The following MORC1 variants were observed in gnomAD, a reference collection of about 807,000 sequenced individuals.
MORC1 encodes MORC family CW-type zinc finger protein 1.
Under a neutral mutation model 134.9 loss-of-function variants are expected in MORC1, and 59 were observed. The ratio of observed to expected loss-of-function variants is 0.44; its 90% CI spans 0.35 to 0.54. MORC1 has a LOEUF of 0.54. MORC1 is among the 20% of genes least tolerant of loss of function. The pLI is 0.00. For missense variants in MORC1, 947 were observed against 1,134.5 expected, an observed-to-expected ratio of 0.83 and a Z score of 2.37; for synonymous variants, 395 against 391.7, an observed-to-expected ratio of 1.01 and a Z score of -0.10.
intron 15 of MORC1, among the ~76,000 whole-genome samples, chr3:109,033,757 C>A (rs1949302805): frequency 6.6e-6 from 1 of 152,118 alleles, no homozygotes; most frequent in South Asian, 2.1e-4. Context: ...TCCTCCTCCT[C>A]ATCATCATCA....
In MORC1 at chr3:109,048,306, G is replaced by A. The variant is rs149259620; in HGVS notation, c.1330+6422C>T. Among the ~76,000 whole-genome samples the A allele has an allele frequency of 3.1e-3, 467 of 152,220 alleles. 1 individual carries two copies. Among genetic ancestry groups the A allele is most frequent in the South Asian group, 4.8e-3 (23 of 4,812 alleles). Reference sequence around the variant, plus strand: ...ATATTAAGAAGGTAATAACTTTTAGGTAATGATATTTGTAATGTGGTTTTT... The same window carrying A: ...ATATTAAGAAGGTAATAACTTTTAGATAATGATATTTGTAATGTGGTTTTT... On this transcript the variant is annotated intron_variant, in intron 14 of 27. Transcript: ENST00000232603.
intron 21 of MORC1, among the ~76,000 whole-genome samples, chr3:108,989,108 T>C (rs546415621): frequency 2.0e-5 from 3 of 152,348 alleles, no homozygotes; most frequent in Non-Finnish European, 4.4e-5. Context: ...TATTACAATA[T>C]AGTTGAGGGT....
intron 26 of MORC1, among the ~76,000 whole-genome samples, chr3:108,965,062 G>C (rs1348959306): frequency 2.6e-5 from 4 of 152,184 alleles, no homozygotes; most frequent in Non-Finnish European, 4.4e-5. Context: ...ACTGCCTGAA[G>C]GTGGAGTAGA....
intron 27 of MORC1, among the ~76,000 whole-genome samples, chr3:108,960,560 G>A (rs112736267): frequency 5.3e-5 from 8 of 152,264 alleles, no homozygotes; most frequent in African/African-American, 1.9e-4. Context: ...AGGGCATTTT[G>A]CTTGTTGACT....
At chr3:108,969,857 CT>C in intron 25 of MORC1, 135 bp from the exon 26 acceptor site, 1 of 691,980 alleles carries the variant, frequency 1.4e-6, no homozygotes, top group Non-Finnish European at 2.4e-6. Context: ...TACTATGGGC[CT>C]TTTAAGTCTG....
rs769858430 is a variant in MORC1, at chr3:109,029,488, ATTT to A, written c.1566-1602_1566-1600del. 2.0e-5 allele frequency among the ~76,000 whole-genome samples: 3 copies of A among 152,310 alleles called. No homozygotes were observed. The South Asian group carries it at 6.2e-4, about 32-fold the overall frequency. ...TTAATATGCAATACAATCCATAAATATTTTTTAACATCCTTTTCAAAATTCAGA... is the reference window on the plus strand; with the variant it reads ...TTAATATGCAATACAATCCATAAATATTTAACATCCTTTTCAAAATTCAGA... On this transcript the variant is annotated intron_variant, in intron 16 of 27. Transcript: ENST00000232603.
At chr3:109,030,433 T>A (rs1360238702) in intron 16 of MORC1, among the ~76,000 whole-genome samples, 2 of 152,206 alleles carry the variant, frequency 1.3e-5, no homozygotes, top group Admixed American at 1.3e-4. Flanking sequence ...TCTACATCAC[T>A]GTTAAGGAGC....
intron 23 of MORC1, among the ~76,000 whole-genome samples, chr3:108,983,304 G>A (rs1947801457): frequency 6.6e-6 from 1 of 152,182 alleles, no homozygotes. Context: ...ACAGGGATAA[G>A]CAAGACAGTC....
In MORC1 at chr3:109,017,496, T is replaced by G. The variant is rs141102912; in HGVS notation, c.1704+10255A>C. ...AAATAGTTCCCCTAAAAGTTTTCCT[T>G]CTGGTTCTAATTAGAGATAGAGATT... On this transcript the variant is annotated intron_variant, in intron 17 of 27. Transcript: ENST00000232603. Among the ~76,000 whole-genome samples the G allele has an allele frequency of 1.6e-3, 250 of 152,350 alleles. 1 individual carries two copies. The highest frequency in any genetic ancestry group is 5.7e-3 in the African/African-American group (238 of 41,590).
chr3:108,967,308 G>C (rs1182025957), intron 26 of MORC1, among the ~76,000 whole-genome samples: 2 of 152,104 alleles, frequency 1.3e-5, no homozygotes, highest in African/African-American at 4.8e-5. Flanking sequence ...TATAAGCTTG[G>C]ATAAACAGCT....
chr3:109,071,592 G>A (rs562418297), intron 8 of MORC1, among the ~76,000 whole-genome samples: 1 of 152,276 alleles, frequency 6.6e-6, no homozygotes, highest in Non-Finnish European at 1.5e-5. Context: ...GTGGAGTCTG[G>A]AGGAATCTGT....
chr3:109,003,812 G>C (rs1948468200), intron 20 of MORC1, among the ~76,000 whole-genome samples: 1 of 152,042 alleles, frequency 6.6e-6, no homozygotes, highest in African/African-American at 2.4e-5. Context: ...CAAAATCATA[G>C]GAAAATGGAC....
At chr3:108,993,682 C>T (rs1433931577) in intron 21 of MORC1, among the ~76,000 whole-genome samples, 1 of 152,090 alleles carries the variant, frequency 6.6e-6, no homozygotes, top group Non-Finnish European at 1.5e-5. Context: ...ATTGTACTAC[C>T]TGTACAGTTT....
rs746144661 is a variant in MORC1, at chr3:109,063,231, T to C, written c.816A>G (p.Arg272=). The C allele has an allele frequency of 3.8e-6, 6 of 1,559,558 alleles. No homozygotes were observed. The Admixed American group carries it at 5.0e-5, about 13-fold the overall frequency. ...AAGAAGATGTGACATAAAGATACTTTCTGGAAAGAAACAAAAAGAACATAA... is the reference window on the plus strand; with the variant it reads ...AAGAAGATGTGACATAAAGATACTTCCTGGAAAGAAACAAAAAGAACATAA... ...KHLCYCLYRP[R]KYLYVTSSFK... is the part of the protein sequence containing the mutation. Residue 272 remains arginine, a splice_region_variant and synonymous_variant, in exon 10 of 28, where the codon AGA becomes AGG. Coordinates refer to ENST00000232603, the MANE Select transcript of MORC1 (RefSeq NM_014429.4).
chr3:109,058,198 C>G (rs1166773630), intron 12 of MORC1, among the ~76,000 whole-genome samples: 2 of 152,166 alleles, frequency 1.3e-5, no homozygotes, highest in Admixed American at 1.3e-4. Context: ...AGAGGCACAC[C>G]TGGTTTCAAA....
intron 20 of MORC1, among the ~76,000 whole-genome samples, 169 bp downstream of exon 20, chr3:109,004,648 C>A (rs980779154): frequency 6.6e-6 from 1 of 152,158 alleles, no homozygotes; most frequent in Non-Finnish European, 1.5e-5. Context: ...CTTAGTAATA[C>A]ATTAACATTA....
intron 21 of MORC1, among the ~76,000 whole-genome samples, chr3:108,995,438 C>T (rs1948174240): frequency 6.6e-6 from 1 of 152,174 alleles, no homozygotes; most frequent in African/African-American, 2.4e-5. Context: ...CAGGGCAGGA[C>T]ATGTGTTTTG....
intron 24 of MORC1, 152 bp from the exon 25 acceptor site, chr3:108,971,554 C>G: frequency 1.5e-6 from 1 of 649,874 alleles, no homozygotes. Context: ...TCACTGACAT[C>G]AAAGTGTTCT....
At chr3:108,998,154 CAG>C (rs961334493) in intron 21 of MORC1, among the ~76,000 whole-genome samples, 54 of 152,306 alleles carry the variant, frequency 3.5e-4, no homozygotes, top group African/African-American at 1.3e-3. Flanking sequence ...CAGCAACTGT[CAG>C]ATTATAATTG....
Sources: allele counts gnomAD v4.1 joint callset (sites outside exome capture counted in the v4.1 genomes callset), GRCh38; gene constraint gnomAD v4.1.1; transcripts MANE v1.5; gene names NCBI Gene and HGNC (gene_info 2026-07-23, HGNC 2026-07-21).